Variants in SELENON observed in about 807,000 individuals in gnomAD.
The protein encoded by SELENON is selenoprotein N, also known as selenoprotein N, 1.
A neutral mutation model predicts 59.5 loss-of-function variants in SELENON; 44 were observed. That is an observed-to-expected ratio of 0.74 (90% CI 0.58 to 0.95). The LOEUF (loss-of-function observed/expected upper bound fraction) is 0.95. Among genes scored for constraint, SELENON ranks in the 40% least tolerant of loss-of-function variants. The pLI is 0.00. For missense variants in SELENON, 674 were observed against 721.4 expected (o/e 0.93, Z 0.75); for synonymous variants, 320 against 305.6 (o/e 1.05, Z -0.49).
intron 9 of SELENON, among the ~76,000 whole-genome samples, chr1:25,812,222 T>C (rs980599297): frequency 1.3e-5 from 2 of 151,972 alleles, no homozygotes; most frequent in Admixed American, 6.6e-5. Flanking sequence ...AGCACGCACC[T>C]GTAGTACCAA....
intron 6 of SELENON, among the ~76,000 whole-genome samples, chr1:25,809,360 A>T (rs996207781): frequency 1.2e-4 from 18 of 152,242 alleles, no homozygotes; most frequent in African/African-American, 4.1e-4. Flanking sequence ...GTTCAGAAAG[A>T]AAAGTTGTGG....
rs759029201 is a variant in SELENON at position 25,808,642 on chromosome 1, G to A, written c.600G>A (p.Val200=). Residue 200 remains valine (V), a synonymous_variant, in exon 5 of 13, where the codon GTG becomes GTA. Coordinates refer to ENST00000361547, the MANE Select transcript of SELENON (RefSeq NM_020451.3). ...CAGCCGCCGCCTCACCAAGTGCAGT[G>A]TTTGCCACCCGCCACTTCCAGCCCT... 6.2e-7 allele frequency: 1 copy of A among 1,613,628 alleles called. No homozygotes were observed. Among genetic ancestry groups the A allele is most frequent in the Admixed American group, 1.7e-5 (1 of 60,006 alleles).
At chr1:25,800,548 C>T (rs1258821829) in intron 1 of SELENON, 135 bp downstream of exon 1, 2 of 154,638 alleles carry the variant, frequency 1.3e-5, no homozygotes, top group South Asian at 7.0e-5. Context: ...GGAGGGAGCA[C>T]GGGAAGGAGG....
Position 25,800,294 on chromosome 1 carries a change from G to T in SELENON, c.64G>T (p.Ala22Ser), listed in dbSNP as rs1348412894. The stretch of plus-strand genomic sequence containing the variant: ...CCCCGGCCCCGCCGCGCAGCCTCCC[G>T]CGCCACCGCGCCGCCGCGCCCGTTC... The change falls in exon 1 of 13, where the codon GCG becomes TCG. Residue 22 changes from alanine (A) to serine (S), a missense_variant. Physicochemically the swap from Ala to Ser is moderately conservative, Grantham distance 99. Transcript: ENST00000361547. 1.0e-6 allele frequency: 1 copy of T among 991,244 alleles called. No individual in the cohort carries two copies. The highest frequency in any genetic ancestry group is 5.8e-5 in the Admixed American group (1 of 17,172). The allele number at this position is 991,244 out of a possible 1,614,324, so 61.4% of individuals were successfully genotyped here.
chr1:25,805,709 C>G (rs1220826426), intron 4 of SELENON, among the ~76,000 whole-genome samples: 1 of 152,082 alleles, frequency 6.6e-6, no homozygotes, highest in East Asian at 1.9e-4. Context: ...TAGCATGATG[C>G]CTGGCTCCTG....
intron 3 of SELENON, among the ~76,000 whole-genome samples, 186 bp from the exon 3 acceptor site, chr1:25,804,956 A>G (rs532580793): frequency 1.3e-5 from 2 of 152,096 alleles, no homozygotes; most frequent in African/African-American, 2.4e-5. Flanking sequence ...TAATGTTATT[A>G]TCTGCCTCCC....
intron 3 of SELENON, among the ~76,000 whole-genome samples, chr1:25,803,573 T>G (rs780433014): frequency 3.9e-5 from 6 of 152,206 alleles, no homozygotes; most frequent in African/African-American, 9.7e-5. Flanking sequence ...AGTAGTAGTA[T>G]TATAATTAAT....
At chr1:25,801,309 C>A in intron 2 of SELENON, 149 bp downstream of exon 2, 1 of 686,180 alleles carries the variant, frequency 1.5e-6, no homozygotes, top group South Asian at 1.6e-5. Flanking sequence ...TAGCTGGTGG[C>A]TTGGGCGAGC....
chr1:25,809,219 GC>G, intron 6 of SELENON, 69 bp downstream of exon 5: 1 of 1,606,802 alleles, frequency 6.2e-7, no homozygotes, highest in Non-Finnish European at 8.5e-7. Flanking sequence ...AGAGGGGAGG[GC>G]CCAGCTTGAG....
chr1:25,813,963 G>C lies in SELENON; in HGVS notation c.1470G>C (p.Trp490Cys). 1 of 1,614,144 alleles carries C rather than the reference G, an allele frequency of 6.2e-7. No homozygotes were observed. Among genetic ancestry groups the C allele is most frequent in the Non-Finnish European group, 8.5e-7 (1 of 1,180,012 alleles). The change falls in exon 11 of 13, where the codon TGG (tryptophan) becomes TGC (cysteine). Residue 490 changes from tryptophan (W) to cysteine (C), a missense_variant. Physicochemically the swap from Trp to Cys is radical, Grantham distance 215. Transcript: ENST00000361547. ...TCAACGAGAGCTTCATCAGCACCTG[G>C]TCCCTGGTGAAGGAGCTGGAGGAAC...
chr1:25,814,463 C>G (rs2047994371), intron 12 of SELENON, among the ~76,000 whole-genome samples: 1 of 152,234 alleles, frequency 6.6e-6, no homozygotes, highest in African/African-American at 2.4e-5. Context: ...GAAGGGAAGG[C>G]TCACCTTGGA....
rs2047941221 is a variant in SELENON at position 25,809,685 on chromosome 1, T to A, written c.875T>A (p.Ile292Asn). Reference sequence around the variant, plus strand: ...GCAGCAGATCCCCTTCCCCACAGGATCCATGCCGAGTTCCAGCTCAGTGAG... The same window carrying A: ...GCAGCAGATCCCCTTCCCCACAGGAACCATGCCGAGTTCCAGCTCAGTGAG... Residue 292 changes from isoleucine (I) to asparagine (N), a missense_variant and splice_region_variant, in exon 7 of 13, where the codon ATC becomes AAC. Transcript: ENST00000361547. 4 of 1,613,850 alleles carry A rather than the reference T, an allele frequency of 2.5e-6. No homozygotes were observed. The highest frequency in any genetic ancestry group is 3.4e-6 in the Non-Finnish European group (4 of 1,180,020).
Position 25,811,760 on chromosome 1 carries a change from A to T in SELENON, c.1162A>T (p.Ser388Cys). Residue 388 changes from serine (S) to cysteine (C), a missense_variant, in exon 9 of 13, where the codon AGC becomes TGC. Transcript: ENST00000361547. ...GGATGAGGATGGCAGCATGATCGACAGCCACCTGCCTTCAGGGGAGCCCCT... is the reference window on the plus strand; with the variant it reads ...GGATGAGGATGGCAGCATGATCGACTGCCACCTGCCTTCAGGGGAGCCCCT... 6.3e-7 allele frequency: 1 copy of T among 1,598,174 alleles called. No individual in the cohort carries two copies. Among genetic ancestry groups the T allele is most frequent in the Non-Finnish European group, 8.5e-7 (1 of 1,172,818 alleles).
intron 7 of SELENON, 76 bp downstream of exon 6, chr1:25,809,896 G>C: frequency 3.2e-6 from 5 of 1,565,188 alleles, no homozygotes; most frequent in Non-Finnish European, 4.4e-6. Flanking sequence ...GAGCCTAGGG[G>C]CCTCTTCTGT....
At chr1:25,809,179 G>A in intron 6 of SELENON, 29 bp downstream of exon 5, 1 of 1,613,204 alleles carries the variant, frequency 6.2e-7, no homozygotes, top group South Asian at 1.1e-5. Flanking sequence ...CTGGCCTGGA[G>A]CACCGGGGAG....
intron 3 of SELENON, 28 bp from the exon 3 acceptor site, chr1:25,805,114 G>A: frequency 6.2e-7 from 1 of 1,612,110 alleles, no homozygotes; most frequent in Non-Finnish European, 8.5e-7. Flanking sequence ...CATAAGGGCA[G>A]TGCCTCTCCG....
At chr1:25,806,145 C>T (rs2047903719) in intron 4 of SELENON, among the ~76,000 whole-genome samples, 1 of 152,234 alleles carries the variant, frequency 6.6e-6, no homozygotes. Context: ...GGCCTGAAGG[C>T]AGGAGTGCCA....
At chr1:25,802,689 T>G (rs1296695913) in intron 3 of SELENON, among the ~76,000 whole-genome samples, 1 of 152,242 alleles carries the variant, frequency 6.6e-6, no homozygotes, top group Admixed American at 6.5e-5. Flanking sequence ...TTTTGCCTAG[T>G]GCAGTCAGTG....
intron 7 of SELENON, 102 bp from the exon 7 acceptor site, chr1:25,811,352 C>T: frequency 2.9e-6 from 3 of 1,041,476 alleles, no homozygotes; most frequent in Non-Finnish European, 4.5e-6. Flanking sequence ...ACCTCAGTGT[C>T]CTCATCTGGA....
Sources: gnomAD v4.1 joint callset for allele counts (sites outside exome capture counted in the v4.1 genomes callset) on GRCh38, gnomAD v4.1.1 for gene constraint, MANE v1.5 for transcripts, NCBI Gene and HGNC (gene_info 2026-07-23, HGNC 2026-07-21) for gene names.